The following SPATS2 variants were observed in gnomAD, a reference collection of about 807,000 sequenced individuals.
The protein encoded by SPATS2 is spermatogenesis associated serine rich 2.
In SPATS2, 38 loss-of-function variants were observed where a neutral mutation model predicts 63.7. The ratio of observed to expected loss-of-function variants is 0.60; its 90% CI spans 0.46 to 0.78. SPATS2 has a LOEUF of 0.78. SPATS2 is among the 30% of genes least tolerant of loss of function. The probability of loss-of-function intolerance (pLI) is 0.00; values close to 1 mark genes in which losing one functional copy is unlikely to be tolerated. For synonymous variants in SPATS2, 207 were observed against 232.9 expected (o/e 0.89, Z 1.01); for missense variants, 588 against 666.2 (o/e 0.88, Z 1.29).
chr12:49,392,133 A>G (rs1287465527), intron 2 of SPATS2, among the ~76,000 whole-genome samples: 2 of 152,198 alleles, frequency 1.3e-5, no homozygotes, highest in African/African-American at 4.8e-5. Context: ...ATTACTTGAC[A>G]GATAATTAGT....
Position 49,490,814 on chromosome 12 carries a change from AGGTTC to A in SPATS2, c.264+84_264+88del, listed in dbSNP as rs1946369630. The A allele has an allele frequency of 4.7e-6, 6 of 1,272,032 alleles. No homozygotes were observed. In the South Asian group the frequency reaches 7.7e-5, roughly 16 times the overall value. 78.8% of individuals were successfully genotyped at this position (1,272,032 alleles called of 1,614,324 possible). A position where few individuals can be genotyped will look rare whatever the true frequency, so the allele number is the denominator to read the frequency against. On this transcript the variant is annotated intron_variant, in intron 6 of 13. Transcript: ENST00000552918. ...GCTCTGCAAAAATATTTGAAAGAAAAGGTTCACATACATATCTTCTGTTTACCTGG... is the reference window on the plus strand; with the variant it reads ...GCTCTGCAAAAATATTTGAAAGAAAAACATACATATCTTCTGTTTACCTGG...
At chr12:49,513,592 G>A (rs1385986399) in intron 9 of SPATS2, among the ~76,000 whole-genome samples, 1 of 152,074 alleles carries the variant, frequency 6.6e-6, no homozygotes, top group Non-Finnish European at 1.5e-5. Context: ...TTCTTTTTCT[G>A]TAAAAAGCCT....
intron 9 of SPATS2, among the ~76,000 whole-genome samples, chr12:49,507,184 A>AAATT (rs1946668568): frequency 6.6e-6 from 1 of 152,216 alleles, no homozygotes; most frequent in Non-Finnish European, 1.5e-5. Context: ...TGATTCTGGG[A>AAATT]TTCTTCAGGT....
At chr12:49,451,806 A>C (rs1259170102) in intron 2 of SPATS2, among the ~76,000 whole-genome samples, 1 of 152,256 alleles carries the variant, frequency 6.6e-6, no homozygotes, top group African/African-American at 2.4e-5. Context: ...TCAGGTTTGC[A>C]AGCAATGGAT....
chr12:49,439,535 GA>G (rs1248956927), intron 2 of SPATS2, among the ~76,000 whole-genome samples: 1 of 152,224 alleles, frequency 6.6e-6, no homozygotes, highest in Admixed American at 6.5e-5. Flanking sequence ...AGAACTTGCT[GA>G]TCGTTTGGTT....
chr12:49,459,523 T>C (rs1175767605), intron 2 of SPATS2, among the ~76,000 whole-genome samples: 1 of 151,750 alleles, frequency 6.6e-6, no homozygotes, highest in Non-Finnish European at 1.5e-5. Context: ...TAATTTTGTA[T>C]TTTTGGTAGA....
chr12:49,514,173 A>G (rs1186508785), intron 9 of SPATS2, among the ~76,000 whole-genome samples: 1 of 151,346 alleles, frequency 6.6e-6, no homozygotes, highest in East Asian at 1.9e-4. Flanking sequence ...AAAAAAAAGT[A>G]TGTGAGTACA....
chr12:49,397,701 A>G (rs1240213485), intron 2 of SPATS2, among the ~76,000 whole-genome samples: 1 of 151,948 alleles, frequency 6.6e-6, no homozygotes, highest in African/African-American at 2.4e-5. Flanking sequence ...ATGGTAGTGC[A>G]TGCCTGTAGT....
At chr12:49,480,544 C>G (rs1299336038) in intron 3 of SPATS2, among the ~76,000 whole-genome samples, 1 of 152,094 alleles carries the variant, frequency 6.6e-6, no homozygotes, top group African/African-American at 2.4e-5. Flanking sequence ...TTCTTGTTCA[C>G]CGTTGTATCC....
chr12:49,416,284 A>T (rs572571162), intron 2 of SPATS2, among the ~76,000 whole-genome samples: 19 of 152,078 alleles, frequency 1.2e-4, no homozygotes, highest in African/African-American at 3.9e-4. Flanking sequence ...TTGGAGATAG[A>T]TGGTAGCTGG....
chr12:49,438,563 T>A (rs1945358502), intron 2 of SPATS2, among the ~76,000 whole-genome samples: 1 of 152,214 alleles, frequency 6.6e-6, no homozygotes, highest in Non-Finnish European at 1.5e-5. Flanking sequence ...TATTTGAGAA[T>A]CTAGTTGGTC....
intron 2 of SPATS2, among the ~76,000 whole-genome samples, chr12:49,386,553 A>C (rs947966393): frequency 1.3e-5 from 2 of 152,284 alleles, no homozygotes; most frequent in South Asian, 4.1e-4. Flanking sequence ...GTTTGGAGTG[A>C]ATTTAACCAG....
intron 2 of SPATS2, among the ~76,000 whole-genome samples, chr12:49,402,560 G>A (rs1187651167): frequency 6.6e-6 from 1 of 152,192 alleles, no homozygotes; most frequent in South Asian, 2.1e-4. Context: ...TAAAGGACGA[G>A]ATTGTCGTAT....
chr12:49,418,674 C>T (rs952955922), intron 2 of SPATS2, among the ~76,000 whole-genome samples: 1 of 152,126 alleles, frequency 6.6e-6, no homozygotes, highest in Non-Finnish European at 1.5e-5. Flanking sequence ...CTCCTGGCCT[C>T]AAGTGATCCA....
chr12:49,526,471 G>A lies in SPATS2; in HGVS notation c.*216G>A, dbSNP rs1947038045. The A allele has an allele frequency of 1.6e-6, 1 of 606,860 alleles. No individual in the cohort carries two copies. Among genetic ancestry groups the A allele is most frequent in the Non-Finnish European group, 2.7e-6 (1 of 364,828 alleles). The allele number at this position is 606,860 out of a possible 1,614,324, so 37.6% of individuals were successfully genotyped here. On this transcript the variant is annotated 3_prime_UTR_variant, in exon 14 of 14. Transcript: ENST00000552918. ...TTCCTTGATCTTTCCCAGTGATATG[G>A]ATTGAATCTGGTTGGTCATTTCCAC...
At chr12:49,515,827 T>C (rs1946828740) in intron 10 of SPATS2, among the ~76,000 whole-genome samples, 1 of 151,726 alleles carries the variant, frequency 6.6e-6, no homozygotes, top group Non-Finnish European at 1.5e-5. Context: ...GGCAACATAG[T>C]GAAACCTCGT....
At chr12:49,432,803 C>T (rs1284636752) in intron 2 of SPATS2, among the ~76,000 whole-genome samples, 1 of 152,112 alleles carries the variant, frequency 6.6e-6, no homozygotes, top group South Asian at 2.1e-4. Context: ...GTATATACCA[C>T]ATTTTATCTA....
intron 2 of SPATS2, among the ~76,000 whole-genome samples, chr12:49,380,535 G>A (rs1944198090): frequency 6.6e-6 from 1 of 151,854 alleles, no homozygotes; most frequent in African/African-American, 2.4e-5. Flanking sequence ...GCAAAACCCC[G>A]CCTCTATTAA....
chr12:49,522,911 G>T, intron 12 of SPATS2, 58 bp downstream of exon 12: 1 of 1,419,244 alleles, frequency 7.0e-7, no homozygotes, highest in African/African-American at 1.4e-5. Context: ...AGAGACTGAC[G>T]TGCTGATTGT....
Sources: allele counts gnomAD v4.1 joint callset (sites outside exome capture counted in the v4.1 genomes callset), GRCh38; gene constraint gnomAD v4.1.1; transcripts MANE v1.5; gene names NCBI Gene and HGNC (gene_info 2026-07-23, HGNC 2026-07-21).